Variants in BORCS8 observed in about 807,000 individuals in gnomAD.
BORCS8 encodes the protein BLOC-1 related complex subunit 8, also known as BLOC-1-related complex subunit 8.
BORCS8 carries 13 observed loss-of-function variants against 18.7 expected under a neutral mutation model. That is an observed-to-expected ratio of 0.70 (90% CI 0.45 to 1.11). The LOEUF is 1.11. Among genes scored for constraint, BORCS8 ranks in the 50% least tolerant of loss-of-function variants. The pLI, the probability that BORCS8 is intolerant of heterozygous loss-of-function variation, is 0.00. For synonymous variants in BORCS8, 68 were observed against 64.8 expected, an observed-to-expected ratio of 1.05 and a Z score of -0.24; for missense variants, 165 against 165.7, an observed-to-expected ratio of 1.00 and a Z score of 0.02.
chr19:19,185,935 G>A (rs943776473), intron 3 of BORCS8, 99 bp downstream of exon 3: 1 of 1,244,788 alleles, frequency 8.0e-7, no homozygotes, highest in Non-Finnish European at 1.1e-6. Context: ...AGGCCTGGCA[G>A]GGTGGGGCTT....
chr19:19,182,625 T>G lies in BORCS8; in HGVS notation c.274A>C (p.Lys92Gln). The G allele has an allele frequency of 6.4e-7, 1 of 1,551,356 alleles. No homozygotes were observed. Among genetic ancestry groups the G allele is most frequent in the Non-Finnish European group, 8.7e-7 (1 of 1,146,930 alleles). The change falls in exon 4 of 6, where the codon AAA becomes CAA. Residue 92 changes from lysine (K) to glutamine (Q), a missense_variant. Physicochemically the swap from Lys to Gln is moderately conservative, Grantham distance 53 (BLOSUM62 1). Coordinates refer to ENST00000462790, the MANE Select transcript of BORCS8 (RefSeq NM_001145784.2). The surrounding 1 kb of genome is among the most constrained non-coding windows in gnomAD (Gnocchi z 4.1). ...VYFRSVEGLL[K>Q]QAISIRDHMN... is the part of the protein sequence containing the mutation. ...TGGTCCCGGATGCTGATGGCCTGTT[T>G]GAGCAGACCCTCCACGCTGCGGAAG...
At chr19:19,185,548 A>G (rs1163813391) in intron 3 of BORCS8, among the ~76,000 whole-genome samples, 1 of 152,164 alleles carries the variant, frequency 6.6e-6, no homozygotes, top group Non-Finnish European at 1.5e-5. Flanking sequence ...TAGCCGGGCA[A>G]GGTGGCGGGC....
intron 1 of BORCS8, among the ~76,000 whole-genome samples, chr19:19,189,242 G>A (rs961397844): frequency 3.3e-5 from 5 of 152,114 alleles, no homozygotes; most frequent in Non-Finnish European, 5.9e-5. Context: ...GGCAGATCCT[G>A]ATGGTTCCAG....
chr19:19,187,150 G>A, intron 1 of BORCS8, 145 bp from the exon 2 acceptor site: 1 of 611,792 alleles, frequency 1.6e-6, no homozygotes. Flanking sequence ...ATGACAGGCT[G>A]GAGGAAGTGG....
At chr19:19,186,612 G>C (rs114603169) in intron 2 of BORCS8, among the ~76,000 whole-genome samples, 1,658 of 152,320 alleles carry the variant, frequency 0.011, 26 homozygotes, top group African/African-American at 0.038. Flanking sequence ...GTACATGTTT[G>C]CTTCCCCTTC....
At chr19:19,177,875 CTT>C (rs536726585) in intron 5 of BORCS8, 17 of 147,708 alleles carry the variant, frequency 1.2e-4, no homozygotes, top group South Asian at 6.2e-4. Context: ...TGACTGTGCC[CTT>C]TTTTTTTTTG....
rs2060354963 is a variant in BORCS8, at chr19:19,182,116, C to G, written c.326+457G>C. ...TCCAGCCACAGAAGCCTTCTCGGTG[C>G]TTCTCGAACACTCCCAGGGATCCCA... On this transcript the variant is annotated intron_variant, in intron 4 of 5. Coordinates refer to ENST00000462790, the MANE Select transcript of BORCS8 (RefSeq NM_001145784.2). The surrounding 1 kb of genome is among the most constrained non-coding windows in gnomAD (Gnocchi z 4.1). 1 of 887,286 alleles carries G rather than the reference C, an allele frequency of 1.1e-6. No individual in the cohort carries two copies. Among genetic ancestry groups the G allele is most frequent in the Non-Finnish European group, 1.4e-6 (1 of 740,376 alleles). 55.0% of individuals were successfully genotyped at this position (887,286 alleles called of 1,614,324 possible). A position where few individuals can be genotyped will look rare whatever the true frequency, so the allele number is the denominator to read the frequency against.
rs372629545 is a variant in BORCS8, at chr19:19,190,219, T to C, written c.37+1862A>G. Among the ~76,000 whole-genome samples the C allele has an allele frequency of 5.3e-4, 80 of 152,294 alleles. No homozygotes were observed. In the South Asian group the frequency reaches 0.016, roughly 31 times the overall value. On this transcript the variant is annotated intron_variant, in intron 1 of 5. Transcript: ENST00000462790. ...TTAGGTTACATGTTCACAGGAAAAGTTAAAAGCTTGGACTTGGGAGAGCAG... is the reference window on the plus strand; with the variant it reads ...TTAGGTTACATGTTCACAGGAAAAGCTAAAAGCTTGGACTTGGGAGAGCAG...
chr19:19,182,003 T>G lies in BORCS8; in HGVS notation c.326+570A>C. The G allele has an allele frequency of 1.0e-6, 1 of 985,494 alleles. No individual in the cohort carries two copies. Among genetic ancestry groups the G allele is most frequent in the South Asian group, 4.7e-5 (1 of 21,290 alleles). The allele number at this position is 985,494 out of a possible 1,614,324, so 61.0% of individuals were successfully genotyped here. ...CTTTTCGTTTTCAGACCCCTGGTCC[T>G]GGGCTTAAAGCCTCCCTTGGCTCTG... On this transcript the variant is annotated intron_variant, in intron 4 of 5. Transcript: ENST00000462790. This position sits in a 1 kb window ranked among gnomAD's most constrained non-coding sequence, Gnocchi z 4.1.
chr19:19,184,022 A>T (rs1208022686), intron 3 of BORCS8, among the ~76,000 whole-genome samples: 1 of 151,524 alleles, frequency 6.6e-6, no homozygotes, highest in Non-Finnish European at 1.5e-5. Context: ...AGCTGGGATT[A>T]CAGGTGCCCA....
At chr19:19,184,132 C>T (rs1362474591) in intron 3 of BORCS8, among the ~76,000 whole-genome samples, 2 of 151,902 alleles carry the variant, frequency 1.3e-5, no homozygotes, top group Non-Finnish European at 1.5e-5. Context: ...CTGCCCACCT[C>T]GGCCTCCCAA....
chr19:19,186,285 T>C (rs949453741), intron 2 of BORCS8, among the ~76,000 whole-genome samples, 187 bp from the exon 3 acceptor site: 4 of 152,218 alleles, frequency 2.6e-5, no homozygotes, highest in African/African-American at 9.6e-5. Context: ...CTCAGGGCCT[T>C]TGCACAGGCT....
chr19:19,185,922 G>A (rs2060403407), intron 3 of BORCS8, 112 bp downstream of exon 3: 12 of 1,107,586 alleles, frequency 1.1e-5, no homozygotes, highest in Non-Finnish European at 5.3e-6. Flanking sequence ...CACCCACTCG[G>A]GTAGGCCTGG....
At chr19:19,188,131 G>A (rs1029524949) in intron 1 of BORCS8, among the ~76,000 whole-genome samples, 9 of 152,012 alleles carry the variant, frequency 5.9e-5, no homozygotes, top group East Asian at 1.9e-4. Context: ...CTGGGTTCAC[G>A]TCATTCTCCC....
chr19:19,186,010 C>T, intron 3 of BORCS8, 24 bp downstream of exon 3: 5 of 1,549,090 alleles, frequency 3.2e-6, no homozygotes, highest in Non-Finnish European at 4.4e-6. Flanking sequence ...GGTGGCCCTG[C>T]AGCGGGGAGG....
At chr19:19,181,564 A>G (rs2060349525) in intron 4 of BORCS8, among the ~76,000 whole-genome samples, 1 of 152,214 alleles carries the variant, frequency 6.6e-6, no homozygotes, top group Non-Finnish European at 1.5e-5. Context: ...CTGAGTTGAC[A>G]GTAAGAGCTA....
chr19:19,191,178 C>T (rs1398266316), intron 1 of BORCS8, among the ~76,000 whole-genome samples: 1 of 152,038 alleles, frequency 6.6e-6, no homozygotes, highest in African/African-American at 2.4e-5. Context: ...CAAGGTGAAA[C>T]CCCGTCTCTA....
At chr19:19,183,474 G>C (rs1222480541) in intron 3 of BORCS8, among the ~76,000 whole-genome samples, 1 of 152,088 alleles carries the variant, frequency 6.6e-6, no homozygotes, top group Non-Finnish European at 1.5e-5. Context: ...GCCTAGCCCA[G>C]TGGTATCTGG....
At chr19:19,185,594 G>A (rs1331739303) in intron 3 of BORCS8, among the ~76,000 whole-genome samples, 1 of 152,222 alleles carries the variant, frequency 6.6e-6, no homozygotes, top group East Asian at 1.9e-4. Flanking sequence ...GCTGAAGCGG[G>A]AGAACTGCTT....
Sources: allele counts gnomAD v4.1 joint callset (sites outside exome capture counted in the v4.1 genomes callset), GRCh38; gene constraint gnomAD v4.1.1; non-coding constraint Gnocchi (gnomAD v3.1); transcripts MANE v1.5; gene names NCBI Gene and HGNC (gene_info 2026-07-23, HGNC 2026-07-21).